The following DISP1 variants were observed in gnomAD, a reference collection of about 807,000 sequenced individuals.
DISP1 encodes dispatched RND transporter family member 1.
Under a neutral mutation model 37.3 loss-of-function variants are expected in DISP1, and 30 were observed. The ratio of observed to expected loss-of-function variants is 0.80; its 90% CI spans 0.60 to 1.09. The LOEUF is 1.09. DISP1 is among the 50% of genes least tolerant of loss of function. The pLI is 0.00. For missense variants in DISP1, 1,598 were observed against 1,879.5 expected (o/e 0.85, Z 2.77); for synonymous variants, 634 against 690.2 (o/e 0.92, Z 1.28).
At chr1:222,859,784 G>C (rs970320838) in intron 1 of DISP1, among the ~76,000 whole-genome samples, 1 of 152,218 alleles carries the variant, frequency 6.6e-6, no homozygotes, top group East Asian at 1.9e-4. Flanking sequence ...GTTCCAGATA[G>C]AGTTTGGGAT....
intron 2 of DISP1, among the ~76,000 whole-genome samples, chr1:222,938,136 G>T (rs1272593210): frequency 6.6e-6 from 1 of 152,008 alleles, no homozygotes; most frequent in Non-Finnish European, 1.5e-5. Flanking sequence ...GCCTCCCAAA[G>T]TGCTGGGATT....
rs201087879 is a variant in DISP1, at chr1:222,904,574, A to T, written c.-158-23856A>T. Among the ~76,000 whole-genome samples the T allele has an allele frequency of 1.6e-3, 192 of 121,200 alleles. 2 individuals carry two copies. The highest frequency in any genetic ancestry group is 0.014 in the East Asian group (42 of 2,984). 79.5% of individuals were successfully genotyped at this position (121,200 alleles called of 152,430 possible). On this transcript the variant is annotated intron_variant, in intron 1 of 8. Transcript: ENST00000675850. ...CTCTTTTTTTTTATTTTTTTATTTT[A>T]TTTTTTTTTTTGAGATGAAGTCTTG...
rs1423630653 is a variant in DISP1, at chr1:223,002,656, A to G, written c.1259A>G (p.Lys420Arg). Residue 420 changes from lysine to arginine, a missense_variant, in exon 9 of 9, where the codon AAG (lysine) becomes AGG (arginine). Coordinates refer to ENST00000675850, the MANE Select transcript of DISP1 (RefSeq NM_001377229.1). ...KCTNVPRKCTKYNAVYQILHY... is the reference protein window; with the variant it reads ...KCTNVPRKCTRYNAVYQILHY... ...ACCAATGTGCCACGCAAATGTACCA[A>G]GTACAATGCTGTGTACCAGATCCTC... is the stretch of plus-strand genomic sequence containing the variant. The G allele has an allele frequency of 6.2e-7, 1 of 1,614,086 alleles. No homozygotes were observed. The highest frequency in any genetic ancestry group is 1.7e-5 in the Admixed American group (1 of 60,010).
At chr1:222,929,837 T>G (rs527313679) in intron 2 of DISP1, among the ~76,000 whole-genome samples, 3 of 152,278 alleles carry the variant, frequency 2.0e-5, no homozygotes, top group Non-Finnish European at 4.4e-5. Flanking sequence ...TATTGGGATA[T>G]TTTATTGATT....
At chr1:222,935,490 A>C (rs1188076904) in intron 2 of DISP1, among the ~76,000 whole-genome samples, 1 of 152,122 alleles carries the variant, frequency 6.6e-6, no homozygotes, top group Non-Finnish European at 1.5e-5. Context: ...TAGAATCTCT[A>C]TGTTGTTTTC....
chr1:222,901,026 G>A (rs1270204243), intron 1 of DISP1, among the ~76,000 whole-genome samples: 2 of 152,168 alleles, frequency 1.3e-5, no homozygotes, highest in African/African-American at 4.8e-5. Flanking sequence ...TAGATGAGAG[G>A]AAGTGGAATA....
intron 3 of DISP1, among the ~76,000 whole-genome samples, chr1:222,949,758 T>C (rs1286592052): frequency 6.6e-6 from 1 of 151,994 alleles, no homozygotes; most frequent in Non-Finnish European, 1.5e-5. Flanking sequence ...TCCTGAGCAG[T>C]TGGGATTACA....
chr1:222,906,535 G>A (rs1671901492), intron 1 of DISP1, among the ~76,000 whole-genome samples: 1 of 152,228 alleles, frequency 6.6e-6, no homozygotes, highest in Admixed American at 6.5e-5. Flanking sequence ...TGATAAAACA[G>A]TTGCAGTAAA....
At chr1:222,925,831 A>C (rs1270958132) in intron 1 of DISP1, among the ~76,000 whole-genome samples, 1 of 152,154 alleles carries the variant, frequency 6.6e-6, no homozygotes, top group African/African-American at 2.4e-5. Flanking sequence ...CTCTGTTTTC[A>C]TCAGCCCTCC....
At chr1:222,898,509 TA>T (rs1464645693) in intron 1 of DISP1, among the ~76,000 whole-genome samples, 4 of 151,834 alleles carry the variant, frequency 2.6e-5, no homozygotes, top group African/African-American at 9.7e-5. Flanking sequence ...TTAATACACT[TA>T]TCCCTTAAAC....
intron 8 of DISP1, among the ~76,000 whole-genome samples, chr1:222,996,324 G>A (rs139752253): frequency 2.0e-5 from 3 of 152,306 alleles, no homozygotes; most frequent in African/African-American, 7.2e-5. Context: ...TTTACTATGT[G>A]CAAGACTTTA....
At chr1:222,961,273 G>A (rs1229543063) in intron 3 of DISP1, among the ~76,000 whole-genome samples, 1 of 152,160 alleles carries the variant, frequency 6.6e-6, no homozygotes. Context: ...TATCCGCCAT[G>A]ATCAAGTCAG....
chr1:222,968,762 C>T (rs888586079), intron 3 of DISP1, among the ~76,000 whole-genome samples: 1 of 151,612 alleles, frequency 6.6e-6, no homozygotes, highest in African/African-American at 2.4e-5. Flanking sequence ...GGTGACACCC[C>T]GTCTCTACTA....
intron 1 of DISP1, among the ~76,000 whole-genome samples, chr1:222,822,282 A>G (rs185132710): frequency 1.3e-5 from 2 of 152,314 alleles, no homozygotes; most frequent in South Asian, 2.1e-4. Flanking sequence ...ACTCAGAGTG[A>G]CATGGTGTGT....
rs781468446 is a variant in DISP1 at position 223,005,969 on chromosome 1, A to G, written c.4572A>G (p.Leu1524=). The change falls in exon 9 of 9, where the codon CTA becomes CTG. Residue 1524 remains leucine, a synonymous_variant. Coordinates refer to ENST00000675850, the MANE Select transcript of DISP1 (RefSeq NM_001377229.1). ...GTGAAAGTTTGTTAATAAAAACACT[A>G]TAATAAATGCAGCATTCAATTCAGA... is the stretch of plus-strand genomic sequence containing the variant. ...LSGESLLIKT[L] The G allele has an allele frequency of 1.2e-6, 2 of 1,610,312 alleles. No homozygotes were observed. Among genetic ancestry groups the G allele is most frequent in the East Asian group, 2.2e-5 (1 of 44,854 alleles).
intron 2 of DISP1, among the ~76,000 whole-genome samples, chr1:222,936,272 C>T (rs1486074500): frequency 6.6e-6 from 1 of 152,084 alleles, no homozygotes; most frequent in South Asian, 2.1e-4. Context: ...GGTGAAATCA[C>T]CCGATGATGC....
chr1:222,848,452 AAAT>A (rs1166347025), intron 1 of DISP1, among the ~76,000 whole-genome samples: 3 of 152,208 alleles, frequency 2.0e-5, no homozygotes, highest in Non-Finnish European at 2.9e-5. Flanking sequence ...TTTTTAAAAA[AAAT>A]AAAAACTTGT....
intron 1 of DISP1, among the ~76,000 whole-genome samples, chr1:222,820,560 A>C (rs867186367): frequency 6.6e-6 from 1 of 152,202 alleles, no homozygotes; most frequent in Non-Finnish European, 1.5e-5. Flanking sequence ...GGGATAGAAC[A>C]TTATAGGACA....
chr1:222,819,713 G>A (rs1662310926), intron 1 of DISP1, among the ~76,000 whole-genome samples: 1 of 151,654 alleles, frequency 6.6e-6, no homozygotes, highest in Non-Finnish European at 1.5e-5. Flanking sequence ...ACTAATTTTT[G>A]TGTTTTTAGC....
Sources: gnomAD v4.1 joint callset for allele counts (sites outside exome capture counted in the v4.1 genomes callset) on GRCh38, gnomAD v4.1.1 for gene constraint, MANE v1.5 for transcripts, NCBI Gene and HGNC (gene_info 2026-07-23, HGNC 2026-07-21) for gene names.